The following MSRB3 variants were observed in gnomAD, a reference collection of about 807,000 sequenced individuals.
MSRB3 encodes methionine sulfoxide reductase B3.
MSRB3 carries 13 observed loss-of-function variants against 21.0 expected under a neutral mutation model. That is an observed-to-expected ratio of 0.62 (90% CI 0.40 to 0.98). MSRB3 has a LOEUF of 0.98. Among genes scored for constraint, MSRB3 ranks in the 50% least tolerant of loss-of-function variants. The pLI, the probability that MSRB3 is intolerant of heterozygous loss-of-function variation, is 0.00. For missense variants in MSRB3, 199 were observed against 230.3 expected (o/e 0.86, Z 0.88); for synonymous variants, 87 against 88.6 (o/e 0.98, Z 0.10).
At chr12:65,457,663 C>T (rs1447698956) in intron 6 of MSRB3, among the ~76,000 whole-genome samples, 1 of 151,784 alleles carries the variant, frequency 6.6e-6, no homozygotes, top group Non-Finnish European at 1.5e-5. Flanking sequence ...AAACAGGCAA[C>T]CTACAGAATG....
At chr12:65,377,707 A>AGAT (rs1314665544) in intron 5 of MSRB3, among the ~76,000 whole-genome samples, 2 of 152,202 alleles carry the variant, frequency 1.3e-5, no homozygotes, top group Non-Finnish European at 2.9e-5. Flanking sequence ...TAATGATGGA[A>AGAT]GATTTATTCT....
chr12:65,402,998 C>T (rs558635167), intron 5 of MSRB3, among the ~76,000 whole-genome samples: 9 of 152,310 alleles, frequency 5.9e-5, no homozygotes, highest in South Asian at 2.1e-4. Context: ...GAGGGGCACT[C>T]GCCAGATGCC....
chr12:65,460,736 CTTTTTTT>C (rs869050828), intron 6 of MSRB3, among the ~76,000 whole-genome samples: 4 of 132,972 alleles, frequency 3.0e-5, no homozygotes, highest in Admixed American at 7.6e-5. Flanking sequence ...CTCTTCCTCA[CTTTTTTT>C]TTTTTTTTTT....
chr12:65,290,197 G>A (rs565931459), intron 1 of MSRB3, among the ~76,000 whole-genome samples: 43 of 152,054 alleles, frequency 2.8e-4, no homozygotes, highest in African/African-American at 9.6e-4. Context: ...TATGTGTCAG[G>A]CACTATTCTA....
At chr12:65,396,704 AAAAGAAAGAAAG>A (rs752672139) in intron 5 of MSRB3, among the ~76,000 whole-genome samples, 86 of 54,154 alleles carry the variant, frequency 1.6e-3, no homozygotes, top group Non-Finnish European at 2.0e-3. Context: ...AAAAAAAAAA[AAAAGAAAGAAAG>A]AAAGAAAGAA....
intron 5 of MSRB3, among the ~76,000 whole-genome samples, chr12:65,433,379 C>CT (rs998494718): frequency 3.3e-5 from 5 of 151,762 alleles, no homozygotes; most frequent in African/African-American, 1.2e-4. Flanking sequence ...AAAACTTCAT[C>CT]TTTTTTCTCC....
intron 5 of MSRB3, among the ~76,000 whole-genome samples, chr12:65,396,696 A>AGAAAGAAAGAAAGAAAGAAAGAAAG (rs1555209314): frequency 4.3e-5 from 1 of 23,508 alleles, no homozygotes; most frequent in African/African-American, 1.2e-4. Context: ...CATCTCAAAA[A>AGAAAGAAAGAAAGAAAGAAAGAAAG]AAAAAAAAAA....
At chr12:65,428,997 T>C (rs531311207) in intron 5 of MSRB3, among the ~76,000 whole-genome samples, 7 of 152,264 alleles carry the variant, frequency 4.6e-5, no homozygotes, top group African/African-American at 1.7e-4. Flanking sequence ...TATAATTTTT[T>C]TGAGGGTGGG....
chr12:65,392,645 A>G (rs1879546685), intron 5 of MSRB3, among the ~76,000 whole-genome samples: 1 of 152,184 alleles, frequency 6.6e-6, no homozygotes. Flanking sequence ...CTCTCAAGTC[A>G]GACTCACTTT....
chr12:65,390,746 G>T (rs1879439092), intron 5 of MSRB3, among the ~76,000 whole-genome samples: 1 of 152,098 alleles, frequency 6.6e-6, no homozygotes, highest in Non-Finnish European at 1.5e-5. Context: ...GGCAGGCAAG[G>T]TACCATACTC....
chr12:65,315,670 T>A (rs556609913), intron 2 of MSRB3, among the ~76,000 whole-genome samples: 1,848 of 36,358 alleles, frequency 0.051, 46 homozygotes, highest in African/African-American at 0.18. Context: ...TCTGTCTCCA[T>A]CTCAAAAAAA....
intron 5 of MSRB3, among the ~76,000 whole-genome samples, chr12:65,449,205 AT>A (rs11313276): frequency 0.31 from 42,765 of 139,736 alleles, 6,556 homozygotes; most frequent in East Asian, 0.43. Context: ...ATTTTTTTGT[AT>A]TTTTTTTTTT....
chr12:65,408,711 G>C (rs766388325), intron 5 of MSRB3, among the ~76,000 whole-genome samples: 1 of 152,078 alleles, frequency 6.6e-6, no homozygotes, highest in Non-Finnish European at 1.5e-5. Context: ...TTCCCCATTT[G>C]ATGAGACAAC....
At chr12:65,286,300 G>A (rs1014508474) in intron 1 of MSRB3, 3 of 152,110 alleles carry the variant, frequency 2.0e-5, no homozygotes, top group African/African-American at 4.8e-5. Flanking sequence ...GAGCCATAGC[G>A]GAAATTTTGG....
chr12:65,361,857 C>T (rs1237946058), intron 4 of MSRB3, among the ~76,000 whole-genome samples: 4 of 152,098 alleles, frequency 2.6e-5, no homozygotes, highest in South Asian at 4.1e-4. Flanking sequence ...TGTTCTTTTG[C>T]TCATGATTAT....
intron 4 of MSRB3, among the ~76,000 whole-genome samples, chr12:65,352,579 C>T (rs1013351046): frequency 2.2e-4 from 34 of 151,928 alleles, no homozygotes; most frequent in Middle Eastern, 3.4e-3. Flanking sequence ...TGTCTCAGCC[C>T]AAAATCTCCT....
At chr12:65,435,973 A>ATTCT (rs1468121304) in intron 5 of MSRB3, among the ~76,000 whole-genome samples, 1 of 151,830 alleles carries the variant, frequency 6.6e-6, no homozygotes, top group Non-Finnish European at 1.5e-5. Flanking sequence ...CCTACTTAGA[A>ATTCT]AAGTTAGATA....
At chr12:65,399,102 T>A (rs1879975657) in intron 5 of MSRB3, among the ~76,000 whole-genome samples, 1 of 152,190 alleles carries the variant, frequency 6.6e-6, no homozygotes, top group African/African-American at 2.4e-5. Context: ...GTTTTTTGGT[T>A]CCATATGAAA....
Position 65,298,951 on chromosome 12 carries a change from A to G in MSRB3, c.-51-9578A>G, listed in dbSNP as rs1450745984. On this transcript the variant is annotated intron_variant, in intron 1 of 6. Transcript: ENST00000308259. The stretch of plus-strand genomic sequence containing the variant: ...GCTTGCATTACCAGGTTTTTTCTTT[A>G]GATAAAATGGCCCATTGAGGCACTG... 3.3e-5 allele frequency among the ~76,000 whole-genome samples: 5 copies of G among 152,254 alleles called. No homozygotes were observed. The East Asian group carries it at 7.7e-4, about 23-fold the overall frequency.
Sources: allele counts gnomAD v4.1 joint callset (sites outside exome capture counted in the v4.1 genomes callset), GRCh38; gene constraint gnomAD v4.1.1; transcripts MANE v1.5; gene names NCBI Gene and HGNC (gene_info 2026-07-23, HGNC 2026-07-21).